MCC: variants seen among roughly 807,000 people sequenced by gnomAD.
MCC encodes the protein colorectal mutant cancer protein.
A neutral mutation model predicts 116.2 loss-of-function variants in MCC; 90 were observed. The ratio of observed to expected loss-of-function variants is 0.77; its 90% CI spans 0.65 to 0.92. The LOEUF is 0.92. Among genes scored for constraint, MCC ranks in the 40% least tolerant of loss-of-function variants. MCC has a pLI of 0.00. For synonymous variants in MCC, 578 were observed against 510.5 expected, an observed-to-expected ratio of 1.13 and a Z score of -1.78; for missense variants, 1,516 against 1,312.2, an observed-to-expected ratio of 1.16 and a Z score of -2.40.
At chr5:113,172,733 G>T (rs1409790319) in intron 3 of MCC, among the ~76,000 whole-genome samples, 1 of 152,168 alleles carries the variant, frequency 6.6e-6, no homozygotes, top group Non-Finnish European at 1.5e-5. Flanking sequence ...AAGAACCTTA[G>T]AACAAATTCG....
chr5:113,039,614 C>T (rs530172740), intron 17 of MCC, among the ~76,000 whole-genome samples: 72 of 152,226 alleles, frequency 4.7e-4, no homozygotes, highest in Middle Eastern at 3.4e-3. Flanking sequence ...ATGTGGGGCA[C>T]AAGGGGTCCC....
At chr5:113,151,189 G>C (rs1277333465) in intron 4 of MCC, 120 bp downstream of exon 4, 1 of 654,514 alleles carries the variant, frequency 1.5e-6, no homozygotes, top group East Asian at 2.7e-5. Flanking sequence ...CCAAGACAGA[G>C]TATTTGCTGA....
intron 3 of MCC, among the ~76,000 whole-genome samples, chr5:113,197,017 T>C (rs1015870742): frequency 2.0e-5 from 3 of 152,148 alleles, no homozygotes; most frequent in Non-Finnish European, 4.4e-5. Flanking sequence ...GCTTAAAACC[T>C]GGTTCTGGAA....
chr5:113,254,080 A>G (rs895752078), intron 3 of MCC, among the ~76,000 whole-genome samples: 13 of 152,216 alleles, frequency 8.5e-5, no homozygotes, highest in Non-Finnish European at 2.9e-5. Context: ...ATGTCACAAT[A>G]TCTTGATAAT....
intron 1 of MCC, among the ~76,000 whole-genome samples, chr5:113,423,342 T>C (rs1235827924): frequency 1.3e-5 from 2 of 152,182 alleles, no homozygotes; most frequent in East Asian, 1.9e-4. Context: ...TCAATGTTAA[T>C]GAATCAACAA....
At chr5:113,298,177 G>A (rs1766760540) in intron 3 of MCC, among the ~76,000 whole-genome samples, 1 of 152,216 alleles carries the variant, frequency 6.6e-6, no homozygotes, top group Non-Finnish European at 1.5e-5. Flanking sequence ...AAGGAAGGCT[G>A]TTTTGTTTTG....
chr5:113,064,987 C>T (rs1258718362), intron 13 of MCC, among the ~76,000 whole-genome samples: 1 of 152,150 alleles, frequency 6.6e-6, no homozygotes, highest in Non-Finnish European at 1.5e-5. Context: ...AAGACCCTGT[C>T]TCCAAAACAA....
intron 2 of MCC, among the ~76,000 whole-genome samples, chr5:113,372,888 G>C (rs1768871407): frequency 6.6e-6 from 1 of 151,134 alleles, no homozygotes; most frequent in African/African-American, 2.4e-5. Context: ...ATGTATAAAA[G>C]ATGTTTCTGT....
At position 113,294,239 on chromosome 5, in the gene MCC, T is replaced by A. The variant is rs1232013808; in HGVS notation, c.627+46280A>T. 2.6e-6 allele frequency: 4 copies of A among 1,534,092 alleles called. No homozygotes were observed. The Admixed American group carries it at 6.8e-5, about 26-fold the overall frequency. The stretch of plus-strand genomic sequence containing the variant: ...AGACTGGGAGCACAGGGGGATAGGG[T>A]GTAGGGCTGTGGGGAGGTCGAGGGG... On this transcript the variant is annotated intron_variant, in intron 3 of 18. Transcript: ENST00000408903.
chr5:113,125,534 C>A (rs781285351), intron 5 of MCC, among the ~76,000 whole-genome samples: 1 of 152,172 alleles, frequency 6.6e-6, no homozygotes, highest in African/African-American at 2.4e-5. Context: ...CCTTATCTCT[C>A]ATTGGCATCA....
chr5:113,265,526 C>A (rs996399197), intron 3 of MCC, among the ~76,000 whole-genome samples: 19 of 152,132 alleles, frequency 1.2e-4, no homozygotes, highest in African/African-American at 4.1e-4. Flanking sequence ...AAATCTCAGG[C>A]TTCTTTTTTA....
intron 11 of MCC, among the ~76,000 whole-genome samples, chr5:113,077,887 C>A (rs1561786649): frequency 1.3e-5 from 2 of 151,752 alleles, no homozygotes; most frequent in Admixed American, 6.6e-5. Context: ...TTGAAAGGAT[C>A]AACAAAATTG....
intron 13 of MCC, among the ~76,000 whole-genome samples, chr5:113,066,462 T>G (rs1753610773): frequency 6.6e-6 from 1 of 152,186 alleles, no homozygotes; most frequent in South Asian, 2.1e-4. Context: ...GAGTTTCTAC[T>G]TCTGGGCTGG....
intron 3 of MCC, among the ~76,000 whole-genome samples, chr5:113,327,522 G>C (rs1767588716): frequency 7.8e-6 from 1 of 128,472 alleles, no homozygotes; most frequent in Non-Finnish European, 1.6e-5. Context: ...CTCCAGCCTG[G>C]GTGACAGAGT....
chr5:113,092,411 C>T (rs188051177), intron 8 of MCC, among the ~76,000 whole-genome samples: 3 of 152,182 alleles, frequency 2.0e-5, no homozygotes, highest in East Asian at 1.9e-4. Flanking sequence ...GCAGCCTTGC[C>T]GACACTTTCA....
intron 10 of MCC, among the ~76,000 whole-genome samples, chr5:113,083,433 C>A (rs1039727659): frequency 1.3e-4 from 20 of 152,202 alleles, no homozygotes; most frequent in Admixed American, 1.2e-3. Flanking sequence ...GGCACAGAAT[C>A]TGAATGCATG....
At chr5:113,184,275 C>T (rs984254388) in intron 3 of MCC, among the ~76,000 whole-genome samples, 1 of 152,172 alleles carries the variant, frequency 6.6e-6, no homozygotes, top group African/African-American at 2.4e-5. Context: ...AAAAGAGCTA[C>T]ATCAGCATCT....
chr5:113,174,229 C>T (rs749166961), intron 3 of MCC, among the ~76,000 whole-genome samples: 9 of 152,224 alleles, frequency 5.9e-5, no homozygotes, highest in Non-Finnish European at 1.2e-4. Context: ...GTAAAAAAGA[C>T]CTGAATCAAT....
intron 3 of MCC, among the ~76,000 whole-genome samples, chr5:113,231,168 T>C (rs1763928760): frequency 6.6e-6 from 1 of 152,152 alleles, no homozygotes; most frequent in South Asian, 2.1e-4. Flanking sequence ...CCTTTTTTGT[T>C]TTGTTTTTTA....
Sources: allele counts gnomAD v4.1 joint callset (sites outside exome capture counted in the v4.1 genomes callset), GRCh38; gene constraint gnomAD v4.1.1; transcripts MANE v1.5; gene names NCBI Gene and HGNC (gene_info 2026-07-23, HGNC 2026-07-21).